CTNNBL1: variants seen among roughly 807,000 people sequenced by gnomAD.
CTNNBL1 encodes beta-catenin-like protein 1.
CTNNBL1 carries 31 observed loss-of-function variants against 72.7 expected under a neutral mutation model. That is an observed-to-expected ratio of 0.43 (90% CI 0.32 to 0.58). The LOEUF is 0.58. Among genes scored for constraint, CTNNBL1 ranks in the 20% least tolerant of loss-of-function variants. The pLI is 0.08. For synonymous variants in CTNNBL1, 240 were observed against 267.3 expected (o/e 0.90, Z 1.00); for missense variants, 534 against 725.1 (o/e 0.74, Z 3.03).
Position 37,724,563 on chromosome 20 carries a change from G to T in CTNNBL1, c.31-8316G>T, listed in dbSNP as rs142972629. Among the ~76,000 whole-genome samples the T allele has an allele frequency of 1.2e-4, 18 of 152,204 alleles. No individual in the cohort carries two copies. The East Asian group carries it at 1.5e-3, about 13-fold the overall frequency. On this transcript the variant is annotated intron_variant, in intron 1 of 15. Transcript: ENST00000361383. ...GGAGGTGAGTGTCTGGTCACTGGAG[G>T]TGTTAGGAAAGCCCTGGCATATGCC...
chr20:37,779,289 C>A lies in CTNNBL1; in HGVS notation c.985C>A (p.Arg329Ser). The A allele has an allele frequency of 6.2e-7, 1 of 1,613,722 alleles. No individual in the cohort carries two copies. The highest frequency in any genetic ancestry group is 8.5e-7 in the Non-Finnish European group (1 of 1,179,720). The change falls in exon 10 of 16, where the codon CGC (arginine) becomes AGC (serine). Residue 329 changes from arginine (R) to serine (S), a missense_variant. Arg to Ser is a moderately radical substitution (Grantham distance 110, BLOSUM62 -1). Transcript: ENST00000361383. ...TCTAATGCTTAGTTCCAATCGTGAG[C>A]GCTTCCTGAAGGGCGAGGGTCTTCA... ...SCLMLSSNRE[R>S]FLKGEGLQLM...
At chr20:37,814,180 T>A (rs1406816270) in intron 11 of CTNNBL1, among the ~76,000 whole-genome samples, 2 of 152,234 alleles carry the variant, frequency 1.3e-5, no homozygotes, top group Non-Finnish European at 2.9e-5. Context: ...TCACAAGCAG[T>A]GCACTTCTGC....
At chr20:37,819,120 GA>G (rs1397153714) in intron 11 of CTNNBL1, among the ~76,000 whole-genome samples, 4 of 152,134 alleles carry the variant, frequency 2.6e-5, no homozygotes, top group African/African-American at 9.7e-5. Flanking sequence ...AATTTGACTT[GA>G]CAAAAGTGCA....
At chr20:37,846,190 A>AG (rs1390901216) in intron 13 of CTNNBL1, among the ~76,000 whole-genome samples, 1 of 151,660 alleles carries the variant, frequency 6.6e-6, no homozygotes, top group Non-Finnish European at 1.5e-5. Context: ...CCTAAACTCT[A>AG]GGGGGGCTAG....
chr20:37,720,096 C>T (rs967877827), intron 1 of CTNNBL1, among the ~76,000 whole-genome samples: 1 of 152,062 alleles, frequency 6.6e-6, no homozygotes, highest in South Asian at 2.1e-4. Context: ...GGCGCAATCT[C>T]GGCTCACTAC....
chr20:37,865,298 A>G (rs1259695835), intron 15 of CTNNBL1, among the ~76,000 whole-genome samples: 1 of 152,232 alleles, frequency 6.6e-6, no homozygotes, highest in African/African-American at 2.4e-5. Context: ...CAGAGGTACA[A>G]GGGGAATGAA....
chr20:37,830,676 T>G (rs2072201032), intron 11 of CTNNBL1, among the ~76,000 whole-genome samples: 1 of 152,228 alleles, frequency 6.6e-6, no homozygotes, highest in Non-Finnish European at 1.5e-5. Context: ...CATCATGAGT[T>G]GAAAATATGG....
chr20:37,818,642 G>A (rs958071051), intron 11 of CTNNBL1, among the ~76,000 whole-genome samples: 4 of 152,174 alleles, frequency 2.6e-5, no homozygotes, highest in Non-Finnish European at 5.9e-5. Flanking sequence ...AATCCCGAAA[G>A]ATACAGTCCC....
At chr20:37,827,719 T>C (rs1006667556) in intron 11 of CTNNBL1, among the ~76,000 whole-genome samples, 2 of 152,190 alleles carry the variant, frequency 1.3e-5, no homozygotes, top group African/African-American at 4.8e-5. Context: ...AGTATCTGGA[T>C]CTGAGCCTGC....
chr20:37,694,907 C>G (rs953714738), intron 1 of CTNNBL1: 1 of 152,242 alleles, frequency 6.6e-6, no homozygotes, highest in Non-Finnish European at 1.5e-5. Flanking sequence ...CAAAGTTTTT[C>G]CCCCACTTTG....
intron 5 of CTNNBL1, among the ~76,000 whole-genome samples, chr20:37,760,613 A>ACTAAC (rs2073408336): frequency 6.6e-6 from 1 of 152,248 alleles, no homozygotes; most frequent in Non-Finnish European, 1.5e-5. Context: ...TGGGAAAGTT[A>ACTAAC]CTAACCTCTC....
At chr20:37,865,287 G>A (rs1188811861) in intron 15 of CTNNBL1, among the ~76,000 whole-genome samples, 1 of 152,234 alleles carries the variant, frequency 6.6e-6, no homozygotes, top group African/African-American at 2.4e-5. Context: ...GTGCTGGGAT[G>A]CAGAGGTACA....
chr20:37,818,686 A>G (rs1362735670), intron 11 of CTNNBL1, among the ~76,000 whole-genome samples: 1 of 152,154 alleles, frequency 6.6e-6, no homozygotes, highest in Non-Finnish European at 1.5e-5. Flanking sequence ...AAATCCTTGA[A>G]CTCTAAAATC....
At chr20:37,830,777 C>G (rs1024010111) in intron 11 of CTNNBL1, among the ~76,000 whole-genome samples, 3 of 152,104 alleles carry the variant, frequency 2.0e-5, no homozygotes, top group Non-Finnish European at 4.4e-5. Context: ...CTTACATTAG[C>G]CTACAGCTGG....
intron 5 of CTNNBL1, among the ~76,000 whole-genome samples, chr20:37,760,339 G>A (rs939880088): frequency 1.3e-5 from 2 of 152,098 alleles, no homozygotes; most frequent in Non-Finnish European, 2.9e-5. Context: ...CCATGCCTTC[G>A]CTCATGCTTT....
At chr20:37,743,599 A>G (rs929929083) in intron 3 of CTNNBL1, among the ~76,000 whole-genome samples, 2 of 152,206 alleles carry the variant, frequency 1.3e-5, no homozygotes, top group South Asian at 2.1e-4. Context: ...AGCTATAACA[A>G]TGTGGAAGTG....
intron 3 of CTNNBL1, among the ~76,000 whole-genome samples, chr20:37,744,127 T>C (rs951205355): frequency 1.3e-5 from 2 of 152,168 alleles, no homozygotes; most frequent in Non-Finnish European, 2.9e-5. Context: ...AGCATCCTAA[T>C]AAGAATGGGC....
At chr20:37,859,552 G>A (rs1488190452) in intron 13 of CTNNBL1, among the ~76,000 whole-genome samples, 1 of 151,290 alleles carries the variant, frequency 6.6e-6, no homozygotes, top group South Asian at 2.1e-4. Flanking sequence ...AAACCAAAGA[G>A]TGAAAAATGA....
chr20:37,811,188 C>T (rs747698396), intron 11 of CTNNBL1, among the ~76,000 whole-genome samples: 25 of 152,322 alleles, frequency 1.6e-4, no homozygotes, highest in South Asian at 8.3e-4. Flanking sequence ...TAAAAACCTT[C>T]CCCGAGAGGA....
Sources: gnomAD v4.1 joint callset for allele counts (sites outside exome capture counted in the v4.1 genomes callset) on GRCh38, gnomAD v4.1.1 for gene constraint, MANE v1.5 for transcripts, NCBI Gene and HGNC (gene_info 2026-07-23, HGNC 2026-07-21) for gene names.